Variants in SDK1 observed in about 807,000 individuals in gnomAD.
SDK1 encodes protein sidekick-1.
Under a neutral mutation model 245.5 loss-of-function variants are expected in SDK1, and 157 were observed. That is an observed-to-expected ratio of 0.64 (90% CI 0.56 to 0.73). The LOEUF is 0.73. SDK1 is among the 30% of genes least tolerant of loss of function. The pLI is 0.00. For synonymous variants in SDK1, 1,647 were observed against 1,278.5 expected, an observed-to-expected ratio of 1.29 and a Z score of -6.15; for missense variants, 3,583 against 3,002.3, an observed-to-expected ratio of 1.19 and a Z score of -4.52.
intron 1 of SDK1, among the ~76,000 whole-genome samples, chr7:3,483,687 T>C (rs977557945): frequency 2.6e-5 from 4 of 152,200 alleles, no homozygotes; most frequent in Non-Finnish European, 5.9e-5. Flanking sequence ...ATTTTTGATA[T>C]ATACCTTTTA....
chr7:3,680,488 T>A (rs1213991165), intron 4 of SDK1, among the ~76,000 whole-genome samples: 1 of 152,142 alleles, frequency 6.6e-6, no homozygotes, highest in Non-Finnish European at 1.5e-5. Flanking sequence ...AATGATGAAA[T>A]CTAAGTGAGG....
intron 29 of SDK1, among the ~76,000 whole-genome samples, chr7:4,146,613 C>A (rs1002666331): frequency 6.6e-6 from 1 of 152,246 alleles, no homozygotes; most frequent in Non-Finnish European, 1.5e-5. Context: ...TGCAGAGTCA[C>A]CACATTTGAG....
At chr7:3,700,435 G>T (rs921903072) in intron 4 of SDK1, among the ~76,000 whole-genome samples, 15 of 152,128 alleles carry the variant, frequency 9.9e-5, no homozygotes, top group African/African-American at 3.4e-4. Context: ...TGTAGGATAA[G>T]GGACTTAAAG....
intron 17 of SDK1, among the ~76,000 whole-genome samples, chr7:4,046,926 T>C (rs1789057177): frequency 6.6e-6 from 1 of 152,172 alleles, no homozygotes; most frequent in Admixed American, 6.5e-5. Context: ...TTGATTGGTT[T>C]GGGGAGAATT....
In SDK1 at chr7:4,133,427, C is replaced by T. The variant is rs182808422; in HGVS notation, c.4228+1004C>T. 5.2e-3 allele frequency among the ~76,000 whole-genome samples: 792 copies of T among 152,230 alleles called. 3 individuals carry two copies. The highest frequency in any genetic ancestry group is 7.9e-3 in the Admixed American group (121 of 15,284). ...CCTGTCCTCAAGTTGCCCACAGTCC[C>T]GTAAGGGAGACACATGTTGAGAGTA... is the stretch of plus-strand genomic sequence containing the variant. On this transcript the variant is annotated intron_variant, in intron 28 of 44. Transcript: ENST00000404826.
chr7:3,783,495 G>A (rs1214637920), intron 4 of SDK1, among the ~76,000 whole-genome samples: 1 of 151,474 alleles, frequency 6.6e-6, no homozygotes, highest in Middle Eastern at 3.2e-3. Context: ...AACCCTGTTG[G>A]AACTAATAAA....
intron 31 of SDK1, among the ~76,000 whole-genome samples, chr7:4,158,775 T>G (rs1264485045): frequency 6.6e-6 from 1 of 152,210 alleles, no homozygotes; most frequent in South Asian, 2.1e-4. Flanking sequence ...TTGATTGGCT[T>G]CTAAAGCCCC....
At chr7:3,677,853 C>T (rs866110564) in intron 4 of SDK1, among the ~76,000 whole-genome samples, 23 of 152,104 alleles carry the variant, frequency 1.5e-4, no homozygotes, top group South Asian at 2.1e-4. Flanking sequence ...CATGGATAAC[C>T]AGCTGATTTT....
At position 3,347,709 on chromosome 7, in the gene SDK1, G is replaced by A. The variant is rs1034634394; in HGVS notation, c.298+45825G>A. Among the ~76,000 whole-genome samples the A allele has an allele frequency of 3.9e-5, 6 of 152,250 alleles. No homozygotes were observed. The South Asian group carries it at 1.2e-3, about 32-fold the overall frequency. The stretch of plus-strand genomic sequence containing the variant: ...TTTTCTCCCCATGCCCTCAGAGGAA[G>A]TTATGTTCTTCTGAACCTTCTGGGT... On this transcript the variant is annotated intron_variant, in intron 1 of 44. Coordinates refer to ENST00000404826, the MANE Select transcript of SDK1 (RefSeq NM_152744.4).
At chr7:3,455,256 G>A (rs905940315) in intron 1 of SDK1, among the ~76,000 whole-genome samples, 17 of 151,758 alleles carry the variant, frequency 1.1e-4, no homozygotes, top group African/African-American at 3.4e-4. Flanking sequence ...ATCATCTTAC[G>A]AGGGTTTTCA....
intron 5 of SDK1, among the ~76,000 whole-genome samples, chr7:3,832,573 A>G (rs1234076378): frequency 1.3e-5 from 2 of 152,250 alleles, no homozygotes; most frequent in African/African-American, 4.8e-5. Context: ...CCACTTAACA[A>G]TGCTGAAGAC....
intron 4 of SDK1, among the ~76,000 whole-genome samples, chr7:3,686,617 T>A (rs541738297): frequency 5.1e-5 from 4 of 78,468 alleles, no homozygotes; most frequent in Non-Finnish European, 1.1e-4. Flanking sequence ...TATGCTGTGT[T>A]CTAAAATTGA....
chr7:3,859,826 G>A (rs1780645334), intron 5 of SDK1, among the ~76,000 whole-genome samples: 1 of 152,074 alleles, frequency 6.6e-6, no homozygotes, highest in Non-Finnish European at 1.5e-5. Flanking sequence ...ACATATACAT[G>A]CAAAATACAA....
At chr7:3,882,723 CCTT>C (rs1781237072) in intron 5 of SDK1, among the ~76,000 whole-genome samples, 2 of 152,014 alleles carry the variant, frequency 1.3e-5, no homozygotes, top group African/African-American at 4.8e-5. Context: ...TACAAATGAG[CCTT>C]CTTTTTTTTT....
chr7:3,568,878 TAGAC>T (rs1019884165), intron 1 of SDK1, among the ~76,000 whole-genome samples: 26 of 152,224 alleles, frequency 1.7e-4, no homozygotes, highest in African/African-American at 6.0e-4. Flanking sequence ...ACATTGCTAA[TAGAC>T]AGAAAATATT....
rs10598226 is a variant in SDK1, at chr7:3,347,892, GT to G, written c.298+46021del. On this transcript the variant is annotated intron_variant, in intron 1 of 44. Transcript: ENST00000404826. ...AGCCAGTTACAAACACATTAAATAT[GT>G]TTTTTTTTTTTTCCTTTTGTGTAGT... Among the ~76,000 whole-genome samples, 569 of 149,498 alleles carry G rather than the reference GT, an allele frequency of 3.8e-3. 4 individuals are homozygous for G. The highest frequency in any genetic ancestry group is 0.013 in the South Asian group (59 of 4,698).
chr7:3,702,138 G>C (rs1475304063), intron 4 of SDK1, among the ~76,000 whole-genome samples: 2 of 152,096 alleles, frequency 1.3e-5, no homozygotes, highest in Non-Finnish European at 2.9e-5. Context: ...AATTCAATAA[G>C]TTGGAATTCA....
chr7:3,419,588 C>A (rs1453092647), intron 1 of SDK1, among the ~76,000 whole-genome samples: 1 of 152,274 alleles, frequency 6.6e-6, no homozygotes, highest in African/African-American at 2.4e-5. Context: ...GGAGCTTTGT[C>A]ATGGACTCAG....
chr7:3,746,539 T>G (rs1779626424), intron 4 of SDK1, among the ~76,000 whole-genome samples: 1 of 152,268 alleles, frequency 6.6e-6, no homozygotes, highest in African/African-American at 2.4e-5. Flanking sequence ...ATCCTGCTGC[T>G]GCTTTATCAA....
Sources: gnomAD v4.1 joint callset for allele counts (sites outside exome capture counted in the v4.1 genomes callset) on GRCh38, gnomAD v4.1.1 for gene constraint, MANE v1.5 for transcripts, NCBI Gene and HGNC (gene_info 2026-07-23, HGNC 2026-07-21) for gene names.